FMN1: variants seen among roughly 807,000 people sequenced by gnomAD.
FMN1 encodes the protein formin 1, also known as formin-1.
Under a neutral mutation model 132.4 loss-of-function variants are expected in FMN1, and 110 were observed. The ratio of observed to expected loss-of-function variants is 0.83; its 90% confidence interval spans 0.71 to 0.97. FMN1 has a LOEUF of 0.97. Among genes scored for constraint, FMN1 ranks in the 50% least tolerant of loss-of-function variants. The pLI, the probability that FMN1 is intolerant of heterozygous loss-of-function variation, is 0.00. For missense variants in FMN1, 1,792 were observed against 1,705.3 expected, an observed-to-expected ratio of 1.05 and a Z score of -0.90; for synonymous variants, 722 against 651.7, an observed-to-expected ratio of 1.11 and a Z score of -1.64.
chr15:33,099,155 G>A (rs1049138740), intron 4 of FMN1, among the ~76,000 whole-genome samples: 4 of 152,156 alleles, frequency 2.6e-5, no homozygotes, highest in African/African-American at 9.7e-5. Context: ...GCCAGGTGGG[G>A]TGGCGCGCAC....
intron 7 of FMN1, among the ~76,000 whole-genome samples, chr15:33,005,941 T>G (rs1266402333): frequency 6.6e-6 from 1 of 152,156 alleles, no homozygotes; most frequent in African/African-American, 2.4e-5. Flanking sequence ...CTTTTCCACT[T>G]TTTTGTTTCT....
chr15:32,808,111 G>A (rs1595969654), intron 17 of FMN1, among the ~76,000 whole-genome samples: 1 of 152,200 alleles, frequency 6.6e-6, no homozygotes, highest in South Asian at 2.1e-4. Context: ...GTGTTCCAAC[G>A]TTCTAGTTCT....
chr15:32,849,620 A>T (rs1324598635), intron 17 of FMN1, among the ~76,000 whole-genome samples: 2 of 152,020 alleles, frequency 1.3e-5, no homozygotes, highest in Non-Finnish European at 2.9e-5. Context: ...GCCCTTTTAG[A>T]TAAAAGCCTA....
chr15:33,086,399 AGCT>A (rs1269555589), intron 5 of FMN1, among the ~76,000 whole-genome samples: 7 of 151,908 alleles, frequency 4.6e-5, no homozygotes, highest in Non-Finnish European at 7.4e-5. Flanking sequence ...CAGTCGTCTC[AGCT>A]GCTAAGATTA....
chr15:32,918,662 C>G lies in FMN1; in HGVS notation c.3226+7512G>C, dbSNP rs865948711. 9.8e-5 allele frequency among the ~76,000 whole-genome samples: 15 copies of G among 152,294 alleles called. 1 individual carries two copies. In the Middle Eastern group the frequency reaches 0.024, roughly 242 times the overall value. ...GGCACAGGGCATAGAATTCACAAAA[C>G]TTCCCCTTCTATATCCCCTCTATTC... On this transcript the variant is annotated intron_variant, in intron 10 of 20. Coordinates refer to ENST00000616417, the MANE Select transcript of FMN1 (RefSeq NM_001277313.2).
chr15:32,844,002 TA>T (rs530422264), intron 17 of FMN1, among the ~76,000 whole-genome samples: 157 of 152,214 alleles, frequency 1.0e-3, no homozygotes, highest in African/African-American at 3.7e-3. Context: ...AAAATTTAAA[TA>T]AAAAAACTGG....
chr15:33,031,775 T>C (rs969185428), intron 6 of FMN1, among the ~76,000 whole-genome samples: 16 of 152,228 alleles, frequency 1.1e-4, no homozygotes, highest in African/African-American at 3.9e-4. Flanking sequence ...ACTGACTGCA[T>C]TAGTTACTGT....
intron 16 of FMN1, among the ~76,000 whole-genome samples, chr15:32,871,166 T>G (rs2059507032): frequency 6.6e-6 from 1 of 152,104 alleles, no homozygotes; most frequent in South Asian, 2.1e-4. Flanking sequence ...CTAAAAAGTA[T>G]TAGGAAGGTA....
At chr15:33,142,365 G>A (rs1462595329) in intron 4 of FMN1, among the ~76,000 whole-genome samples, 1 of 152,124 alleles carries the variant, frequency 6.6e-6, no homozygotes, top group Non-Finnish European at 1.5e-5. Flanking sequence ...GTTTAATCTT[G>A]TTCCATTTAA....
In FMN1 at chr15:32,962,629, C is replaced by A. The variant is rs976623798; in HGVS notation, c.3138+1478G>T. On this transcript the variant is annotated intron_variant, in intron 9 of 20. Transcript: ENST00000616417. The stretch of plus-strand genomic sequence containing the variant: ...GCTAATATCCAGAATCTACAATAAA[C>A]TCAAACAAATTTACAAGAAAAAAAC... Among the ~76,000 whole-genome samples the A allele has an allele frequency of 5.2e-4, 78 of 151,114 alleles. 1 individual carries two copies. The South Asian group carries it at 0.011, about 21-fold the overall frequency.
At chr15:32,853,128 T>A (rs1251719350) in intron 17 of FMN1, among the ~76,000 whole-genome samples, 2 of 152,212 alleles carry the variant, frequency 1.3e-5, no homozygotes, top group African/African-American at 4.8e-5. Context: ...AAAAAGGTGA[T>A]TTGTTCCCCA....
intron 4 of FMN1, among the ~76,000 whole-genome samples, chr15:33,139,982 A>G (rs1015158802): frequency 2.0e-5 from 3 of 152,186 alleles, no homozygotes; most frequent in Non-Finnish European, 4.4e-5. Flanking sequence ...GTTTCCAAAA[A>G]TTTAAATTTC....
chr15:33,061,613 G>T (rs2037486481), intron 6 of FMN1, among the ~76,000 whole-genome samples: 1 of 151,160 alleles, frequency 6.6e-6, no homozygotes. Flanking sequence ...CTAGAAGAAT[G>T]AATATATAAG....
intron 17 of FMN1, among the ~76,000 whole-genome samples, chr15:32,817,075 C>G (rs1016178841): frequency 3.3e-5 from 5 of 152,136 alleles, no homozygotes; most frequent in Non-Finnish European, 5.9e-5. Flanking sequence ...AGCATCATAC[C>G]TTGACAAAGG....
At chr15:32,815,379 G>A (rs767511427) in intron 17 of FMN1, among the ~76,000 whole-genome samples, 1 of 151,836 alleles carries the variant, frequency 6.6e-6, no homozygotes, top group Non-Finnish European at 1.5e-5. Context: ...TTTTTTTAAT[G>A]GAAGAAAAAG....
In FMN1 at chr15:32,910,518, C is replaced by A; in HGVS notation, c.3244G>T (p.Asp1082Tyr). Residue 1082 changes from aspartate (D) to tyrosine (Y), a missense_variant, in exon 11 of 21, where the codon GAC (aspartate) becomes TAC (tyrosine). By Grantham distance (160) the Asp-to-Tyr change is radical. Around this residue, in one of 3 missense-constraint regions of FMN1, gnomAD observed 1,150 missense variants for 1,043.1 expected, o/e 1.10. Coordinates refer to ENST00000616417, the MANE Select transcript of FMN1 (RefSeq NM_001277313.2). ...AGGGTCTCCAGATCAACCACGGAGT[C>A]ATCCACATTGAAAATGGCTGCCAAG... Reference protein sequence around the residue: ...DIQQAIFNVDDSVVDLETLAA... With the variant: ...DIQQAIFNVDYSVVDLETLAA... The A allele has an allele frequency of 6.3e-7, 1 of 1,575,590 alleles. No homozygotes were observed. The highest frequency in any genetic ancestry group is 1.2e-5 in the South Asian group (1 of 85,440).
intron 3 of FMN1, among the ~76,000 whole-genome samples, chr15:33,179,848 T>G (rs1965635294): frequency 6.6e-6 from 1 of 152,158 alleles, no homozygotes; most frequent in Non-Finnish European, 1.5e-5. Context: ...GGAATAGAAA[T>G]AGTAGCATTC....
chr15:33,082,053 G>GTGTGTT (rs540217494), intron 5 of FMN1, among the ~76,000 whole-genome samples: 4,152 of 134,510 alleles, frequency 0.031, 91 homozygotes, highest in African/African-American at 0.052. Flanking sequence ...GTGTGTGTGT[G>GTGTGTT]TAAGACGGAG....
intron 9 of FMN1, among the ~76,000 whole-genome samples, chr15:32,933,159 T>G (rs78774922): frequency 6.6e-6 from 1 of 152,172 alleles, no homozygotes; most frequent in African/African-American, 2.4e-5. Context: ...ATCCCATATG[T>G]TTTGGTATGT....
Sources: allele counts gnomAD v4.1 joint callset (sites outside exome capture counted in the v4.1 genomes callset), GRCh38; gene constraint gnomAD v4.1.1; regional missense constraint gnomAD v4.1.1; transcripts MANE v1.5; gene names NCBI Gene and HGNC (gene_info 2026-07-23, HGNC 2026-07-21).